Variants in ST3GAL2 observed in about 807,000 individuals in gnomAD.
ST3GAL2 encodes the protein ST3 beta-galactoside alpha-2,3-sialyltransferase 2, also known as CMP-N-acetylneuraminate-beta-galactosamide-alpha-2,3-sialyltransferase 2.
In ST3GAL2, 16 loss-of-function variants were observed where a neutral mutation model predicts 37.5. The observed-to-expected ratio is 0.43, with a 90% confidence interval of 0.29 to 0.65. The LOEUF is 0.65. Among genes scored for constraint, ST3GAL2 ranks in the 30% least tolerant of loss-of-function variants. ST3GAL2 has a pLI of 0.17. For synonymous variants in ST3GAL2, 238 were observed against 202.9 expected (o/e 1.17, Z -1.47); for missense variants, 383 against 487.8 (o/e 0.79, Z 2.02).
intron 2 of ST3GAL2, among the ~76,000 whole-genome samples, chr16:70,396,690 A>G (rs2047518403): frequency 6.6e-6 from 1 of 152,230 alleles, no homozygotes. Context: ...GCTGGAAGGC[A>G]GGTTCTGTGA....
chr16:70,424,053 G>A (rs576295329), intron 1 of ST3GAL2, among the ~76,000 whole-genome samples: 8 of 150,826 alleles, frequency 5.3e-5, no homozygotes, highest in East Asian at 2.0e-4. Context: ...GTGAGACTTC[G>A]TCTCAAAAAA....
At chr16:70,416,799 G>T (rs1003649804) in intron 1 of ST3GAL2, among the ~76,000 whole-genome samples, 6 of 151,964 alleles carry the variant, frequency 3.9e-5, no homozygotes, top group Non-Finnish European at 7.4e-5. Flanking sequence ...TGTGGGAAAG[G>T]GGTGTGCGTG....
At chr16:70,425,872 G>A (rs1005893506) in intron 1 of ST3GAL2, among the ~76,000 whole-genome samples, 2 of 152,216 alleles carry the variant, frequency 1.3e-5, no homozygotes, top group Admixed American at 6.5e-5. Flanking sequence ...TCCTGGCAGT[G>A]GCTCAATTCT....
At chr16:70,405,368 C>T (rs148351225) in intron 1 of ST3GAL2, among the ~76,000 whole-genome samples, 8,992 of 151,538 alleles carry the variant, frequency 0.059, 296 homozygotes, top group Non-Finnish European at 0.072. Flanking sequence ...GGTGAAACCC[C>T]ATCTCTACTA....
intron 1 of ST3GAL2, among the ~76,000 whole-genome samples, chr16:70,438,159 G>A (rs1206176578): frequency 6.6e-6 from 1 of 152,218 alleles, no homozygotes; most frequent in South Asian, 2.1e-4. Context: ...AGGGAACCCG[G>A]AGTGGGTTAT....
In ST3GAL2 at chr16:70,376,046, G is replaced by T. The variant is rs1191976838; in HGVS notation, c.*5643C>A. On this transcript the variant is annotated 3_prime_UTR_variant, in exon 7 of 7. Coordinates refer to ENST00000342907, the MANE Select transcript of ST3GAL2 (RefSeq NM_006927.4). ...AGATGTCAAACTCTTCCCTTTCATG[G>T]TCTCCAGTGCGGTGCCCGTGGTAAC... 6.6e-6 allele frequency: 1 copy of T among 151,998 alleles called. No individual in the cohort carries two copies. The highest frequency in any genetic ancestry group is 1.5e-5 in the Non-Finnish European group (1 of 68,018). 9.4% of individuals were successfully genotyped at this position (151,998 alleles called of 1,614,324 possible). A position where few individuals can be genotyped will look rare whatever the true frequency, so the allele number is the denominator to read the frequency against.
chr16:70,402,115 C>T (rs1197277314), intron 1 of ST3GAL2, among the ~76,000 whole-genome samples: 4 of 150,148 alleles, frequency 2.7e-5, no homozygotes, highest in Admixed American at 6.7e-5. Context: ...GCCTGACCAA[C>T]GTGAAGAAAC....
chr16:70,381,889 C>A, intron 6 of ST3GAL2, 27 bp from the exon 7 acceptor site: 1 of 1,610,420 alleles, frequency 6.2e-7, no homozygotes, highest in Non-Finnish European at 8.5e-7. Context: ...CGGAGCGTCA[C>A]CCCAGGCGGG....
intron 4 of ST3GAL2, 126 bp from the exon 5 acceptor site, chr16:70,383,361 A>C: frequency 1.2e-6 from 1 of 812,134 alleles, no homozygotes; most frequent in East Asian, 3.3e-5. Context: ...GGCCAGCCGG[A>C]TCACCTGAGG....
intron 1 of ST3GAL2, among the ~76,000 whole-genome samples, chr16:70,436,953 A>G (rs771828526): frequency 4.6e-5 from 7 of 152,102 alleles, no homozygotes; most frequent in Admixed American, 1.3e-4. Flanking sequence ...CCATGAAAAG[A>G]CATGGAAAAA....
At chr16:70,411,790 T>C (rs946073116) in intron 1 of ST3GAL2, among the ~76,000 whole-genome samples, 1 of 151,682 alleles carries the variant, frequency 6.6e-6, no homozygotes, top group Non-Finnish European at 1.5e-5. Flanking sequence ...AGGTTGGGAG[T>C]TCGAGAGCAG....
chr16:70,412,610 G>A (rs1026844537), intron 1 of ST3GAL2, among the ~76,000 whole-genome samples: 6 of 152,128 alleles, frequency 3.9e-5, no homozygotes, highest in African/African-American at 9.7e-5. Context: ...CGCCACTGCC[G>A]CCCAACCTGG....
intron 3 of ST3GAL2, 94 bp downstream of exon 3, chr16:70,394,888 T>G (rs1164382235): frequency 1.5e-5 from 22 of 1,423,796 alleles, no homozygotes; most frequent in Non-Finnish European, 2.1e-5. Flanking sequence ...CACCGGTAGC[T>G]GGCAGCATGC....
intron 1 of ST3GAL2, among the ~76,000 whole-genome samples, chr16:70,405,911 A>G (rs1427551159): frequency 1.3e-5 from 2 of 151,630 alleles, no homozygotes; most frequent in South Asian, 2.1e-4. Flanking sequence ...ACACAAAAAA[A>G]TTAGCCAGGC....
At chr16:70,387,881 G>A (rs958080714) in intron 4 of ST3GAL2, among the ~76,000 whole-genome samples, 4 of 152,002 alleles carry the variant, frequency 2.6e-5, no homozygotes, top group East Asian at 1.9e-4. Flanking sequence ...TTGGGAGCCC[G>A]AGGTAGCTGG....
At chr16:70,410,221 A>G (rs556911553) in intron 1 of ST3GAL2, among the ~76,000 whole-genome samples, 2 of 121,786 alleles carry the variant, frequency 1.6e-5, no homozygotes, top group Admixed American at 8.4e-5. Flanking sequence ...TTGGGTTGAC[A>G]TATTATCTCC....
chr16:70,420,395 C>G (rs563149214), intron 1 of ST3GAL2, among the ~76,000 whole-genome samples: 3 of 152,186 alleles, frequency 2.0e-5, no homozygotes, highest in Admixed American at 6.5e-5. Context: ...ACAGGCATCC[C>G]TCCCTCCGCC....
chr16:70,417,748 T>C (rs2047685586), intron 1 of ST3GAL2, among the ~76,000 whole-genome samples: 1 of 149,794 alleles, frequency 6.7e-6, no homozygotes, highest in African/African-American at 2.5e-5. Flanking sequence ...GGAAGTGGGA[T>C]GAATAAACGG....
intron 4 of ST3GAL2, among the ~76,000 whole-genome samples, chr16:70,386,531 G>A (rs1205413641): frequency 3.9e-5 from 6 of 152,086 alleles, no homozygotes; most frequent in African/African-American, 1.2e-4. Flanking sequence ...GTAGAGACAA[G>A]GTTTCACCAT....
Sources: gnomAD v4.1 joint callset for allele counts (sites outside exome capture counted in the v4.1 genomes callset) on GRCh38, gnomAD v4.1.1 for gene constraint, MANE v1.5 for transcripts, NCBI Gene and HGNC (gene_info 2026-07-23, HGNC 2026-07-21) for gene names.